Variants in LRRC4C observed in about 807,000 individuals in gnomAD.
LRRC4C encodes leucine rich repeat containing 4C, also known as leucine-rich repeat-containing protein 4C.
LRRC4C carries 5 observed loss-of-function variants against 33.6 expected under a neutral mutation model. That is an observed-to-expected ratio of 0.15 (90% CI 0.08 to 0.31). LRRC4C has a LOEUF of 0.31. Ranked by LOEUF, LRRC4C falls within the 10% of genes least tolerant of loss-of-function variation. The probability of loss-of-function intolerance (pLI) is 1.00; values close to 1 mark genes in which losing one functional copy is unlikely to be tolerated. For synonymous variants in LRRC4C, 329 were observed against 302.0 expected (o/e 1.09, Z -0.93); for missense variants, 560 against 796.7 (o/e 0.70, Z 3.58).
intron 5 of LRRC4C, among the ~76,000 whole-genome samples, chr11:40,215,233 C>CA (rs543695215): frequency 6.0e-4 from 92 of 152,260 alleles, no homozygotes; most frequent in African/African-American, 2.1e-3. Flanking sequence ...ATAATCACGA[C>CA]ATAATATTAT....
chr11:40,614,832 T>G (rs4755558), intron 3 of LRRC4C, among the ~76,000 whole-genome samples: 65,139 of 151,078 alleles, frequency 0.43, 15,063 homozygotes, highest in Middle Eastern at 0.57. Context: ...CATCAGTGGG[T>G]CAGATGGAAC....
intron 2 of LRRC4C, among the ~76,000 whole-genome samples, chr11:40,739,992 A>G (rs1201717584): frequency 6.6e-6 from 1 of 151,738 alleles, no homozygotes; most frequent in Non-Finnish European, 1.5e-5. Context: ...ATATAGGTAT[A>G]TATATTTTAT....
At chr11:40,619,533 C>T (rs1962224262) in intron 3 of LRRC4C, among the ~76,000 whole-genome samples, 1 of 151,684 alleles carries the variant, frequency 6.6e-6, no homozygotes, top group South Asian at 2.1e-4. Flanking sequence ...CTTTTCCATC[C>T]CTAGAACACT....
chr11:40,585,318 G>A (rs1193412556), intron 3 of LRRC4C, among the ~76,000 whole-genome samples: 1 of 152,046 alleles, frequency 6.6e-6, no homozygotes, highest in Non-Finnish European at 1.5e-5. Flanking sequence ...TAGATGTGTA[G>A]CTAACACCAT....
intron 1 of LRRC4C, among the ~76,000 whole-genome samples, chr11:40,975,871 A>G (rs1852045256): frequency 2.0e-5 from 3 of 152,190 alleles, no homozygotes; most frequent in African/African-American, 7.2e-5. Context: ...ATACTTGCTG[A>G]TCTGAACCCA....
chr11:40,574,756 C>A (rs1958118820), intron 3 of LRRC4C, among the ~76,000 whole-genome samples: 1 of 152,188 alleles, frequency 6.6e-6, no homozygotes, highest in Non-Finnish European at 1.5e-5. Flanking sequence ...CTCCATACAA[C>A]AGGAGACATA....
At chr11:40,464,257 A>T (rs1019746449) in intron 3 of LRRC4C, among the ~76,000 whole-genome samples, 9 of 152,086 alleles carry the variant, frequency 5.9e-5, no homozygotes, top group Admixed American at 1.3e-4. Context: ...GATGAGGAAA[A>T]AAATTGATAA....
intron 4 of LRRC4C, among the ~76,000 whole-genome samples, chr11:40,316,632 T>C (rs1317501950): frequency 6.6e-6 from 1 of 152,036 alleles, no homozygotes; most frequent in Non-Finnish European, 1.5e-5. Flanking sequence ...AGGCGTTTAA[T>C]AAACTTTCAC....
Position 41,072,172 on chromosome 11 carries a change from G to T in LRRC4C, c.-495-138449C>A, listed in dbSNP as rs568516857. 9.2e-5 allele frequency among the ~76,000 whole-genome samples: 14 copies of T among 152,008 alleles called. No homozygotes were observed. In the South Asian group the frequency reaches 1.5e-3, roughly 16 times the overall value. On this transcript the variant is annotated intron_variant, in intron 1 of 6. Coordinates refer to ENST00000528697, the MANE Select transcript of LRRC4C (RefSeq NM_001258419.2). ...ACTTAGATAAAGCAGCAGCACAGTT[G>T]GGAGGATTTACTGCAATTTTGAAAT... is the stretch of plus-strand genomic sequence containing the variant.
intron 1 of LRRC4C, among the ~76,000 whole-genome samples, chr11:40,956,006 C>T (rs1396183476): frequency 1.3e-5 from 2 of 151,796 alleles, no homozygotes; most frequent in African/African-American, 4.8e-5. Flanking sequence ...ATTGACAGAG[C>T]CCTTAAGCCA....
intron 1 of LRRC4C, among the ~76,000 whole-genome samples, chr11:41,271,870 T>C (rs768069447): frequency 1.1e-4 from 16 of 152,160 alleles, no homozygotes; most frequent in Non-Finnish European, 2.4e-4. Context: ...GAATGCTAAT[T>C]GTTAAACTAC....
At chr11:40,991,204 T>TAAAAAAAAA (rs1186155913) in intron 1 of LRRC4C, among the ~76,000 whole-genome samples, 1 of 103,334 alleles carries the variant, frequency 9.7e-6, no homozygotes, top group Non-Finnish European at 1.9e-5. Flanking sequence ...TCCCAATATG[T>TAAAAAAAAA]AAAAAAAAAA....
chr11:41,021,644 G>A (rs1427349746), intron 1 of LRRC4C, among the ~76,000 whole-genome samples: 3 of 151,942 alleles, frequency 2.0e-5, no homozygotes, highest in Admixed American at 1.3e-4. Flanking sequence ...GAGAAATTAT[G>A]CTAATACTAT....
intron 2 of LRRC4C, among the ~76,000 whole-genome samples, chr11:40,698,337 G>A (rs762562229): frequency 9.2e-5 from 14 of 152,042 alleles, no homozygotes; most frequent in Non-Finnish European, 1.8e-4. Context: ...TTGACACTGA[G>A]GTTGAGGTTT....
chr11:41,387,058 G>C (rs975584596), intron 1 of LRRC4C, among the ~76,000 whole-genome samples: 1 of 151,774 alleles, frequency 6.6e-6, no homozygotes, highest in African/African-American at 2.4e-5. Flanking sequence ...TAGCCTGATC[G>C]TATTGTTTTG....
At chr11:40,773,910 T>C (rs1248091190) in intron 2 of LRRC4C, among the ~76,000 whole-genome samples, 3 of 152,068 alleles carry the variant, frequency 2.0e-5, no homozygotes, top group Non-Finnish European at 4.4e-5. Flanking sequence ...TTCGGTGGTA[T>C]ATAATACATT....
At chr11:40,743,739 T>C (rs1375643713) in intron 2 of LRRC4C, among the ~76,000 whole-genome samples, 2 of 152,144 alleles carry the variant, frequency 1.3e-5, no homozygotes, top group Admixed American at 6.5e-5. Context: ...CCTCTTTTAA[T>C]ACTCCTTGTT....
chr11:40,503,359 G>C (rs988348450), intron 3 of LRRC4C, among the ~76,000 whole-genome samples: 3 of 152,098 alleles, frequency 2.0e-5, no homozygotes, highest in African/African-American at 7.2e-5. Context: ...TAGCACATGG[G>C]CAATAAATAT....
intron 1 of LRRC4C, among the ~76,000 whole-genome samples, chr11:41,137,050 C>G (rs1367013268): frequency 1.3e-5 from 2 of 152,044 alleles, no homozygotes; most frequent in Non-Finnish European, 2.9e-5. Flanking sequence ...GAGTTACAGA[C>G]CAGCCTGGCC....
Sources: allele counts gnomAD v4.1 joint callset (sites outside exome capture counted in the v4.1 genomes callset), GRCh38; gene constraint gnomAD v4.1.1; transcripts MANE v1.5; gene names NCBI Gene and HGNC (gene_info 2026-07-23, HGNC 2026-07-21).